Variants in CDH12 observed in about 807,000 individuals in gnomAD.
The protein encoded by CDH12 is cadherin 12.
A neutral mutation model predicts 74.1 loss-of-function variants in CDH12; 41 were observed. The ratio of observed to expected loss-of-function variants is 0.55; its 90% confidence interval spans 0.43 to 0.72. CDH12 has a LOEUF of 0.72. Among genes scored for constraint, CDH12 ranks in the 30% least tolerant of loss-of-function variants. The pLI, the probability that CDH12 is intolerant of heterozygous loss-of-function variation, is 0.00. For synonymous variants in CDH12, 399 were observed against 355.0 expected, an observed-to-expected ratio of 1.12 and a Z score of -1.39; for missense variants, 945 against 977.2, an observed-to-expected ratio of 0.97 and a Z score of 0.44.
chr5:22,399,017 G>T (rs1742588600), intron 3 of CDH12, among the ~76,000 whole-genome samples: 1 of 151,948 alleles, frequency 6.6e-6, no homozygotes, highest in Non-Finnish European at 1.5e-5. Context: ...GTAAAAAGAG[G>T]TTTTTTGTTT....
At chr5:22,269,429 C>A (rs1736283842) in intron 3 of CDH12, among the ~76,000 whole-genome samples, 1 of 152,060 alleles carries the variant, frequency 6.6e-6, no homozygotes, top group Non-Finnish European at 1.5e-5. Context: ...GTTGTATAAT[C>A]TACTTAACCT....
chr5:22,560,725 G>C (rs1398240192), intron 1 of CDH12, among the ~76,000 whole-genome samples: 1 of 151,950 alleles, frequency 6.6e-6, no homozygotes. Flanking sequence ...TCAAGTTTTG[G>C]ACTAACCACC....
chr5:22,833,190 A>G (rs1273415587), intron 1 of CDH12, among the ~76,000 whole-genome samples: 3 of 152,210 alleles, frequency 2.0e-5, no homozygotes, highest in Admixed American at 6.5e-5. Context: ...TGTAACCAAT[A>G]GAATCAATAC....
chr5:22,307,331 G>A (rs1738157759), intron 3 of CDH12, among the ~76,000 whole-genome samples: 2 of 152,170 alleles, frequency 1.3e-5, no homozygotes, highest in South Asian at 4.1e-4. Context: ...TGATTTGCAA[G>A]GACACAGTAC....
chr5:22,296,723 A>G (rs1412647879), intron 3 of CDH12, among the ~76,000 whole-genome samples: 1 of 152,206 alleles, frequency 6.6e-6, no homozygotes, highest in Non-Finnish European at 1.5e-5. Context: ...AAATTGTGCT[A>G]ATCTGCTTCA....
intron 6 of CDH12, among the ~76,000 whole-genome samples, chr5:21,966,288 G>T (rs1416137007): frequency 6.6e-6 from 1 of 151,640 alleles, no homozygotes; most frequent in African/African-American, 2.4e-5. Context: ...CTATGTAATG[G>T]GTCAACATAC....
At chr5:22,777,629 T>C (rs188669116) in intron 1 of CDH12, among the ~76,000 whole-genome samples, 1 of 152,180 alleles carries the variant, frequency 6.6e-6, no homozygotes, top group Non-Finnish European at 1.5e-5. Context: ...CTTGTGTGTG[T>C]GTGTTTGTGT....
chr5:21,842,410 T>G, intron 7 of CDH12, 82 bp from the exon 8 acceptor site: 3 of 962,754 alleles, frequency 3.1e-6, no homozygotes, highest in Non-Finnish European at 4.6e-6. Context: ...AACAACAACA[T>G]GATTCTACCT....
intron 3 of CDH12, among the ~76,000 whole-genome samples, chr5:22,257,238 T>C (rs1257767733): frequency 1.3e-5 from 2 of 152,120 alleles, no homozygotes; most frequent in African/African-American, 4.8e-5. Flanking sequence ...GCCTAATACC[T>C]GGGTGACAAC....
At chr5:22,658,026 C>A (rs530728797) in intron 1 of CDH12, among the ~76,000 whole-genome samples, 11 of 152,262 alleles carry the variant, frequency 7.2e-5, no homozygotes, top group Non-Finnish European at 1.5e-4. Flanking sequence ...ATATTCAAAT[C>A]TCCTGGTCTG....
At chr5:22,554,969 A>G (rs967312522) in intron 1 of CDH12, among the ~76,000 whole-genome samples, 1 of 152,142 alleles carries the variant, frequency 6.6e-6, no homozygotes, top group Non-Finnish European at 1.5e-5. Context: ...CTGTTTACCC[A>G]AAGAGCATGA....
At chr5:22,304,189 G>A (rs917144963) in intron 3 of CDH12, among the ~76,000 whole-genome samples, 4 of 152,046 alleles carry the variant, frequency 2.6e-5, no homozygotes, top group Non-Finnish European at 4.4e-5. Context: ...GGACAGTTTG[G>A]AGAGTTAACG....
In CDH12 at chr5:22,709,916, G is replaced by C. The variant is rs1198990476; in HGVS notation, c.-523+143142C>G. On this transcript the variant is annotated intron_variant, in intron 1 of 14. Transcript: ENST00000382254. The stretch of plus-strand genomic sequence containing the variant: ...ATACTGCCTGGTTCTCTTGCACAAA[G>C]GTGTGATTATGTGTAGGTTTTCTGG... Among the ~76,000 whole-genome samples, 7 of 152,144 alleles carry C rather than the reference G, an allele frequency of 4.6e-5. No individual in the cohort carries two copies. In the East Asian group the frequency reaches 1.3e-3, roughly 29 times the overall value.
At chr5:22,736,809 A>G in intron 1 of CDH12, among the ~76,000 whole-genome samples, 1 of 151,774 alleles carries the variant, frequency 6.6e-6, no homozygotes, top group East Asian at 1.9e-4. Flanking sequence ...CCTTTTTCTC[A>G]CCAGAAATAT....
intron 12 of CDH12, among the ~76,000 whole-genome samples, chr5:21,762,041 A>G (rs900499947): frequency 3.3e-5 from 5 of 152,116 alleles, no homozygotes; most frequent in Admixed American, 1.3e-4. Context: ...ACTTAGACCA[A>G]TGTCTGCAGA....
chr5:22,305,215 G>C (rs1208496638), intron 3 of CDH12, among the ~76,000 whole-genome samples: 1 of 152,008 alleles, frequency 6.6e-6, no homozygotes, highest in Non-Finnish European at 1.5e-5. Context: ...CCTTCCATCT[G>C]CAGGAGATAA....
intron 1 of CDH12, among the ~76,000 whole-genome samples, chr5:22,577,397 A>C (rs1218886318): frequency 6.6e-6 from 1 of 152,242 alleles, no homozygotes; most frequent in Non-Finnish European, 1.5e-5. Context: ...ATTTGAGCAC[A>C]AACTAATATC....
At chr5:21,811,882 G>A (rs1747767063) in intron 9 of CDH12, among the ~76,000 whole-genome samples, 1 of 151,876 alleles carries the variant, frequency 6.6e-6, no homozygotes, top group South Asian at 2.1e-4. Flanking sequence ...ATGGCATTCT[G>A]TCACAGTGAA....
intron 5 of CDH12, among the ~76,000 whole-genome samples, chr5:22,011,391 T>C (rs1737283542): frequency 6.6e-6 from 1 of 152,202 alleles, no homozygotes; most frequent in African/African-American, 2.4e-5. Flanking sequence ...ATGGCCATTA[T>C]TTTCTGTACT....
Sources: gnomAD v4.1 joint callset for allele counts (sites outside exome capture counted in the v4.1 genomes callset) on GRCh38, gnomAD v4.1.1 for gene constraint, MANE v1.5 for transcripts, NCBI Gene and HGNC (gene_info 2026-07-23, HGNC 2026-07-21) for gene names.